Variants in ATP8A1 observed in about 807,000 individuals in gnomAD.
The protein encoded by ATP8A1 is phospholipid-transporting ATPase IA.
Under a neutral mutation model 177.7 loss-of-function variants are expected in ATP8A1, and 90 were observed. That is an observed-to-expected ratio of 0.51 (90% CI 0.43 to 0.60). The LOEUF (loss-of-function observed/expected upper bound fraction) is 0.60, where lower values mean the gene tolerates loss of function less well. ATP8A1 is among the 20% of genes least tolerant of loss of function. ATP8A1 has a pLI of 0.00. For missense variants in ATP8A1, 1,072 were observed against 1,392.8 expected (o/e 0.77, Z 3.67); for synonymous variants, 493 against 485.9 (o/e 1.01, Z -0.19).
intron 35 of ATP8A1, among the ~76,000 whole-genome samples, chr4:42,419,644 A>C (rs1206930505): frequency 6.6e-6 from 1 of 152,212 alleles, no homozygotes; most frequent in Non-Finnish European, 1.5e-5. Flanking sequence ...AACCAAAGAA[A>C]GTCTGGTATC....
chr4:42,492,857 T>C lies in ATP8A1; in HGVS notation c.2152-7189A>G, dbSNP rs185872592. Among the ~76,000 whole-genome samples the C allele has an allele frequency of 2.6e-3, 389 of 152,376 alleles. 1 individual carries two copies. The highest frequency in any genetic ancestry group is 3.9e-3 in the Non-Finnish European group (262 of 68,036). On this transcript the variant is annotated intron_variant, in intron 24 of 36. Coordinates refer to ENST00000381668, the MANE Select transcript of ATP8A1 (RefSeq NM_006095.2). Reference sequence around the variant, plus strand: ...AGAATGAACATAAGTTCAGGAAGCCTGTGCTTCCCTCTACAGTATCAGCAA... The same window carrying C: ...AGAATGAACATAAGTTCAGGAAGCCCGTGCTTCCCTCTACAGTATCAGCAA...
intron 33 of ATP8A1, among the ~76,000 whole-genome samples, chr4:42,439,854 T>C (rs1200734711): frequency 2.0e-5 from 3 of 152,206 alleles, no homozygotes; most frequent in African/African-American, 7.2e-5. Context: ...TAGCAACTAT[T>C]ATCAGAGAAG....
intron 19 of ATP8A1, among the ~76,000 whole-genome samples, chr4:42,544,718 C>T (rs528035889): frequency 6.6e-6 from 1 of 152,320 alleles, no homozygotes; most frequent in South Asian, 2.1e-4. Context: ...AAGCATCCTC[C>T]TCAGAACTGA....
intron 31 of ATP8A1, among the ~76,000 whole-genome samples, chr4:42,445,279 T>C (rs971941728): frequency 2.6e-5 from 4 of 152,222 alleles, no homozygotes; most frequent in African/African-American, 9.6e-5. Context: ...TCAGACTACC[T>C]GTGCCCAAGA....
At chr4:42,636,152 A>ACGCGCGCGCGTG (rs1276251388) in intron 1 of ATP8A1, among the ~76,000 whole-genome samples, 1 of 33,708 alleles carries the variant, frequency 3.0e-5, no homozygotes, top group Non-Finnish European at 9.9e-5. Context: ...ACACACACAC[A>ACGCGCGCGCGTG]CACACGCACA....
intron 22 of ATP8A1, among the ~76,000 whole-genome samples, chr4:42,512,075 G>A (rs968113021): frequency 6.6e-6 from 1 of 152,182 alleles, no homozygotes; most frequent in Non-Finnish European, 1.5e-5. Flanking sequence ...TAGAAAAATT[G>A]TACCAGGCAC....
intron 25 of ATP8A1, among the ~76,000 whole-genome samples, chr4:42,478,127 G>A (rs572628904): frequency 6.6e-6 from 1 of 152,228 alleles, no homozygotes; most frequent in African/African-American, 2.4e-5. Flanking sequence ...GACTGAGGCA[G>A]GTGGATCCCT....
chr4:42,527,521 G>T (rs1438237362), intron 20 of ATP8A1, among the ~76,000 whole-genome samples: 1 of 152,142 alleles, frequency 6.6e-6, no homozygotes, highest in East Asian at 1.9e-4. Flanking sequence ...AGCCTGTGCT[G>T]CCTGAGGTAA....
intron 22 of ATP8A1, among the ~76,000 whole-genome samples, chr4:42,521,001 C>T (rs531108961): frequency 3.9e-5 from 6 of 152,024 alleles, no homozygotes; most frequent in Non-Finnish European, 5.9e-5. Flanking sequence ...AGGGAGGGGA[C>T]GTGAGGAGCA....
Position 42,656,812 on chromosome 4 carries a change from G to A in ATP8A1, c.49+13C>T. 1.3e-6 allele frequency: 2 copies of A among 1,561,936 alleles called. No homozygotes were observed. Among genetic ancestry groups the A allele is most frequent in the Non-Finnish European group, 1.7e-6 (2 of 1,152,994 alleles). On this transcript the variant is annotated intron_variant, in intron 1 of 36. Coordinates refer to ENST00000381668, the MANE Select transcript of ATP8A1 (RefSeq NM_006095.2). ...CGACCCCGGGCTAGCCCCGAGCCTC[G>A]GCGGCCCCTTACCTTCGGCGCGCGA...
At chr4:42,414,116 AT>A (rs879483386) in intron 36 of ATP8A1, among the ~76,000 whole-genome samples, 94 of 152,364 alleles carry the variant, frequency 6.2e-4, no homozygotes, top group Admixed American at 1.7e-3. Context: ...CAAAAGATAT[AT>A]TACTCACACA....
At chr4:42,610,155 CT>C (rs993127871) in intron 5 of ATP8A1, among the ~76,000 whole-genome samples, 1 of 140,526 alleles carries the variant, frequency 7.1e-6, no homozygotes, top group Non-Finnish European at 1.6e-5. Context: ...TCATTTGGCC[CT>C]TAATTTTTTT....
At chr4:42,584,309 TC>T (rs1733401358) in intron 9 of ATP8A1, among the ~76,000 whole-genome samples, 1 of 152,120 alleles carries the variant, frequency 6.6e-6, no homozygotes, top group Non-Finnish European at 1.5e-5. Flanking sequence ...AGGAAAGACT[TC>T]ACCTTTTCTG....
In ATP8A1 at chr4:42,415,392, A is replaced by G. The variant is rs114235851; in HGVS notation, c.3306-674T>C. On this transcript the variant is annotated intron_variant, in intron 35 of 36. Transcript: ENST00000381668. ...GTTTAGAATAGTTGTCTCCTCAGAT[A>G]CAAATCCAGATAATTATGTAACTTC... 1.3e-3 allele frequency among the ~76,000 whole-genome samples: 191 copies of G among 152,328 alleles called. 2 individuals are homozygous for G. Among genetic ancestry groups the G allele is most frequent in the African/African-American group, 4.4e-3 (184 of 41,584 alleles).
chr4:42,608,749 TGTA>T (rs1736080206), intron 5 of ATP8A1, among the ~76,000 whole-genome samples: 1 of 152,084 alleles, frequency 6.6e-6, no homozygotes, highest in Non-Finnish European at 1.5e-5. Context: ...CCACAGAAAA[TGTA>T]GTGTGCTCCA....
At chr4:42,441,494 AAAATGTTAG>A (rs1245303329) in intron 33 of ATP8A1, among the ~76,000 whole-genome samples, 1 of 152,188 alleles carries the variant, frequency 6.6e-6, no homozygotes, top group Non-Finnish European at 1.5e-5. Context: ...ATCTATAATA[AAAATGTTAG>A]AAATTGAATA....
At chr4:42,647,371 T>C (rs911009573) in intron 1 of ATP8A1, among the ~76,000 whole-genome samples, 3 of 152,182 alleles carry the variant, frequency 2.0e-5, no homozygotes, top group Non-Finnish European at 4.4e-5. Flanking sequence ...ACTAGTCACA[T>C]GTAGCTACTG....
chr4:42,437,528 G>T (rs1162100592), intron 33 of ATP8A1, among the ~76,000 whole-genome samples: 1 of 152,128 alleles, frequency 6.6e-6, no homozygotes, highest in Non-Finnish European at 1.5e-5. Context: ...CGTCACACTA[G>T]TTTCTTTTTC....
At chr4:42,552,807 C>G (rs41265691) in intron 16 of ATP8A1, among the ~76,000 whole-genome samples, 197 bp from the exon 17 acceptor site, 4 of 152,098 alleles carry the variant, frequency 2.6e-5, no homozygotes, top group Non-Finnish European at 4.4e-5. Flanking sequence ...GGTGAAACCC[C>G]GTCTCTACTG....
Sources: gnomAD v4.1 joint callset for allele counts (sites outside exome capture counted in the v4.1 genomes callset) on GRCh38, gnomAD v4.1.1 for gene constraint, MANE v1.5 for transcripts, NCBI Gene and HGNC (gene_info 2026-07-23, HGNC 2026-07-21) for gene names.